Variants in ASNS observed in about 807,000 individuals in gnomAD.
ASNS encodes asparagine synthetase (glutamine-hydrolyzing).
ASNS carries 37 observed loss-of-function variants against 62.6 expected under a neutral mutation model. The observed-to-expected ratio is 0.59, with a 90% confidence interval of 0.45 to 0.78. The LOEUF is 0.78. ASNS is among the 30% of genes least tolerant of loss of function. The probability of loss-of-function intolerance (pLI) is 0.00; values close to 1 mark genes in which losing one functional copy is unlikely to be tolerated. For missense variants in ASNS, 520 were observed against 682.4 expected (o/e 0.76, Z 2.65); for synonymous variants, 207 against 237.9 (o/e 0.87, Z 1.19).
chr7:97,870,262 C>T (rs1792190367), intron 1 of ASNS: 2 of 711,300 alleles, frequency 2.8e-6, no homozygotes, highest in Non-Finnish European at 2.3e-6. Context: ...CAGATACATT[C>T]CGTTTTGAGA....
In ASNS at chr7:97,865,997, T is replaced by C. The variant is rs1791948488; in HGVS notation, c.250-1501A>G. ...ACATCAAAATGCACATGTAATGTCA[T>C]GTCAGTGCTCAAAAAGTTTCAGATT... On this transcript the variant is annotated intron_variant, in intron 3 of 12. Transcript: ENST00000394308. 1.3e-5 allele frequency among the ~76,000 whole-genome samples: 2 copies of C among 152,198 alleles called. 1 individual carries two copies. The highest frequency in any genetic ancestry group is 2.9e-5 in the Non-Finnish European group (2 of 68,044).
chr7:97,898,274 A>G, the ASNS span: 7 of 386,752 alleles, frequency 1.8e-5, no homozygotes, highest in East Asian at 5.5e-4. Context: ...TTGCTCTTTC[A>G]TTGTTGTTTC....
At chr7:97,896,033 G>A in the ASNS span, among the ~76,000 whole-genome samples, 10 of 149,572 alleles carry the variant, frequency 6.7e-5, no homozygotes, top group Admixed American at 2.0e-4. Context: ...ACCACAAAAC[G>A]CTGATAAAAT....
the ASNS span, among the ~76,000 whole-genome samples, chr7:97,903,215 TAG>T: frequency 1.3e-5 from 2 of 150,154 alleles, no homozygotes; most frequent in African/African-American, 4.9e-5. Context: ...TAGAGGTAGG[TAG>T]AGTCCAAAAC....
chr7:97,853,121 T>A lies in ASNS; in HGVS notation c.1415A>T (p.Asp472Val). The A allele has an allele frequency of 6.2e-7, 1 of 1,610,882 alleles. No homozygotes were observed. The highest frequency in any genetic ancestry group is 8.5e-7 in the Non-Finnish European group (1 of 1,179,082). ...GGAATTCTTAACTGAAGTTATTCCA[T>A]CACTGAAGGCTTCTTTTGGTCGCCA... ...ILWRPKEAFS[D>V]GITSVKNSWF... The change falls in exon 12 of 13, where the codon GAT becomes GTT. Residue 472 changes from aspartate to valine, a missense_variant. Coordinates refer to ENST00000394308, the MANE Select transcript of ASNS (RefSeq NM_001673.5).
chr7:97,890,087 T>C, the ASNS span, among the ~76,000 whole-genome samples: 2 of 151,576 alleles, frequency 1.3e-5, no homozygotes, highest in South Asian at 2.1e-4. Flanking sequence ...GCTTTAACAA[T>C]AGACTAGATC....
At chr7:97,926,685 C>T in the ASNS span, among the ~76,000 whole-genome samples, 12,283 of 152,056 alleles carry the variant, frequency 0.081, 1,010 homozygotes, top group African/African-American at 0.21. Context: ...ACAGGCGCCG[C>T]GAAAAGAGCG....
chr7:97,916,352 G>C, the ASNS span, among the ~76,000 whole-genome samples: 1 of 152,112 alleles, frequency 6.6e-6, no homozygotes, highest in Non-Finnish European at 1.5e-5. Context: ...TTACACTCCA[G>C]CCTGGGCAGC....
At chr7:97,875,027 A>C (rs916394273), upstream of ASNS, among the ~76,000 whole-genome samples, 7 of 152,092 alleles carry the variant, frequency 4.6e-5, no homozygotes, top group African/African-American at 1.7e-4. Context: ...AATGTCACGA[A>C]CTTTAAAAAT....
chr7:97,926,328 A>T, the ASNS span, among the ~76,000 whole-genome samples: 1 of 152,112 alleles, frequency 6.6e-6, no homozygotes, highest in Non-Finnish European at 1.5e-5. Context: ...TGCAGAGAAA[A>T]GTCCAAAATA....
chr7:97,883,195 C>A, the ASNS span, among the ~76,000 whole-genome samples: 1 of 147,742 alleles, frequency 6.8e-6, no homozygotes, highest in Admixed American at 6.8e-5. Context: ...AACATTCATT[C>A]CTCTGTGATA....
the ASNS span, among the ~76,000 whole-genome samples, chr7:97,927,144 T>C: frequency 7.7e-6 from 1 of 129,850 alleles, no homozygotes; most frequent in Non-Finnish European, 1.6e-5. Flanking sequence ...GGTCTTAAAC[T>C]CCTGGGCTCA....
chr7:97,895,733 G>T, the ASNS span, among the ~76,000 whole-genome samples: 2 of 152,206 alleles, frequency 1.3e-5, no homozygotes, highest in Non-Finnish European at 2.9e-5. Flanking sequence ...GGAGGTTGCA[G>T]TGAGCCAAGA....
At chr7:97,883,357 T>C in the ASNS span, among the ~76,000 whole-genome samples, 1 of 152,160 alleles carries the variant, frequency 6.6e-6, no homozygotes, top group African/African-American at 2.4e-5. Context: ...TCAAGTAACC[T>C]TAGGCTGGAG....
chr7:97,928,103 C>T, the ASNS span: 1 of 1,529,644 alleles, frequency 6.5e-7, no homozygotes, highest in Admixed American at 2.0e-5. Context: ...CGCCACCTGT[C>T]TGGGTGCCGG....
At chr7:97,889,256 C>A in the ASNS span, among the ~76,000 whole-genome samples, 1 of 152,174 alleles carries the variant, frequency 6.6e-6, no homozygotes, top group African/African-American at 2.4e-5. Flanking sequence ...TGGTGGCTCA[C>A]GCCTGTAATC....
chr7:97,898,591 T>C, the ASNS span: 1 of 622,534 alleles, frequency 1.6e-6, no homozygotes. Flanking sequence ...AAGTCATTTG[T>C]CTGCATCTCT....
the ASNS span, among the ~76,000 whole-genome samples, chr7:97,896,082 T>A: frequency 2.6e-5 from 4 of 151,964 alleles, no homozygotes; most frequent in African/African-American, 9.7e-5. Flanking sequence ...AGGCATCTTA[T>A]GCTTGTGGGT....
chr7:97,889,708 T>C, the ASNS span, among the ~76,000 whole-genome samples: 56 of 151,250 alleles, frequency 3.7e-4, 1 homozygote, highest in Middle Eastern at 3.4e-3. Flanking sequence ...TAAAAGCCAA[T>C]CCATAAAATT....
Sources: gnomAD v4.1 joint callset for allele counts (sites outside exome capture counted in the v4.1 genomes callset) on GRCh38, gnomAD v4.1.1 for gene constraint, MANE v1.5 for transcripts, NCBI Gene and HGNC (gene_info 2026-07-23, HGNC 2026-07-21) for gene names.